The following PTPRN2 variants were observed in gnomAD, a reference collection of about 807,000 sequenced individuals.
PTPRN2 encodes the protein protein tyrosine phosphatase receptor type N2, also known as receptor-type tyrosine-protein phosphatase N2.
PTPRN2 carries 74 observed loss-of-function variants against 118.8 expected under a neutral mutation model. The ratio of observed to expected loss-of-function variants is 0.62; its 90% CI spans 0.52 to 0.76. The LOEUF (loss-of-function observed/expected upper bound fraction) is 0.76, where lower values mean the gene tolerates loss of function less well. Ranked by LOEUF, PTPRN2 falls within the 30% of genes least tolerant of loss-of-function variation. The probability of loss-of-function intolerance (pLI) is 0.00; values close to 1 mark genes in which losing one functional copy is unlikely to be tolerated. For synonymous variants in PTPRN2, 641 were observed against 608.0 expected (o/e 1.05, Z -0.80); for missense variants, 1,481 against 1,394.4 (o/e 1.06, Z -0.99).
chr7:158,572,100 G>C (rs1483904264), intron 1 of PTPRN2, among the ~76,000 whole-genome samples: 7 of 152,198 alleles, frequency 4.6e-5, no homozygotes, highest in Non-Finnish European at 1.5e-5. Flanking sequence ...TGGAAAGCAG[G>C]GAAGGTTCTG....
At chr7:157,938,470 G>T (rs1401907032) in intron 11 of PTPRN2, among the ~76,000 whole-genome samples, 1 of 152,196 alleles carries the variant, frequency 6.6e-6, no homozygotes, top group African/African-American at 2.4e-5. Context: ...AGACCTGCAG[G>T]CCCAGCCATG....
intron 14 of PTPRN2, among the ~76,000 whole-genome samples, chr7:157,655,902 G>A (rs947186984): frequency 2.6e-5 from 4 of 151,866 alleles, no homozygotes; most frequent in Non-Finnish European, 4.4e-5. Context: ...GTGAAGAGCC[G>A]AGCACCCAGC....
At chr7:157,595,462 T>TG in intron 16 of PTPRN2, 147 bp from the exon 17 acceptor site, 2 of 661,708 alleles carry the variant, frequency 3.0e-6, no homozygotes, top group Non-Finnish European at 5.1e-6. Flanking sequence ...TTAGGAAACC[T>TG]GGGGGTTAGG....
Position 157,986,926 on chromosome 7 carries a change from G to C in PTPRN2, c.1724-88189C>G, listed in dbSNP as rs1348395064. Among the ~76,000 whole-genome samples, 1 of 152,160 alleles carries C rather than the reference G, an allele frequency of 6.6e-6. No homozygotes were observed. Among genetic ancestry groups the C allele is most frequent in the Non-Finnish European group, 1.5e-5 (1 of 68,042 alleles). On this transcript the variant is annotated intron_variant, in intron 11 of 22. Coordinates refer to ENST00000389418, the MANE Select transcript of PTPRN2 (RefSeq NM_002847.5). This position sits in a 1 kb window ranked among gnomAD's most constrained non-coding sequence, Gnocchi z 4.5. ...GGGCCCAGTGACTTTGGGGTCATTT[G>C]CACGGTATCAGCTATAGCCGCAGTG...
chr7:157,946,089 A>G (rs1048237601), intron 11 of PTPRN2, among the ~76,000 whole-genome samples: 6 of 152,148 alleles, frequency 3.9e-5, no homozygotes, highest in Admixed American at 3.9e-4. Context: ...CTGGTTTCAA[A>G]CTTCTCTTTC....
At chr7:157,540,877 C>G in intron 22 of PTPRN2, 92 bp from the exon 23 acceptor site, 1 of 1,042,258 alleles carries the variant, frequency 9.6e-7, no homozygotes, top group Non-Finnish European at 1.4e-6. Flanking sequence ...AAAGCGGCGT[C>G]CCCCCTTCCC....
At chr7:158,086,438 C>A (rs1051356781) in intron 10 of PTPRN2, among the ~76,000 whole-genome samples, 6 of 152,222 alleles carry the variant, frequency 3.9e-5, no homozygotes, top group South Asian at 2.1e-4. Flanking sequence ...CATTCCCCAG[C>A]TGCCAGCGTT....
intron 3 of PTPRN2, among the ~76,000 whole-genome samples, chr7:158,281,500 T>C (rs1361178063): frequency 6.6e-6 from 1 of 152,210 alleles, no homozygotes; most frequent in Non-Finnish European, 1.5e-5. Flanking sequence ...ATAAGAGACA[T>C]TGTCATATGC....
At chr7:158,351,688 A>G (rs973684077) in intron 2 of PTPRN2, among the ~76,000 whole-genome samples, 1 of 152,114 alleles carries the variant, frequency 6.6e-6, no homozygotes, top group African/African-American at 2.4e-5. Flanking sequence ...CCTGGCATGC[A>G]GGCAGCCGGG....
At chr7:157,941,645 T>C (rs1297216035) in intron 11 of PTPRN2, among the ~76,000 whole-genome samples, 1 of 152,194 alleles carries the variant, frequency 6.6e-6, no homozygotes, top group Non-Finnish European at 1.5e-5. Flanking sequence ...CATACGTCCA[T>C]GCATGTGTAT....
intron 12 of PTPRN2, among the ~76,000 whole-genome samples, chr7:157,898,426 G>A (rs1443757606): frequency 6.6e-6 from 1 of 152,196 alleles, no homozygotes; most frequent in Non-Finnish European, 1.5e-5. Context: ...AGCCATGAAT[G>A]CTTTTTCTTG....
At position 158,258,734 on chromosome 7, in the gene PTPRN2, G is replaced by C. The variant is rs1437402901; in HGVS notation, c.278-53461C>G. On this transcript the variant is annotated intron_variant, in intron 3 of 22. Transcript: ENST00000389418. Reference sequence around the variant, plus strand: ...GTTGGCTCTGCTGGAATGGCATCCAGGGTTTTCCTTGTTGCTTCTGTATCT... The same window carrying C: ...GTTGGCTCTGCTGGAATGGCATCCACGGTTTTCCTTGTTGCTTCTGTATCT... Among the ~76,000 whole-genome samples the C allele has an allele frequency of 3.9e-5, 6 of 152,206 alleles. No individual in the cohort carries two copies. In the East Asian group the frequency reaches 1.2e-3, roughly 29 times the overall value.
intron 11 of PTPRN2, among the ~76,000 whole-genome samples, chr7:157,971,784 G>T (rs1802352787): frequency 6.6e-6 from 1 of 152,220 alleles, no homozygotes; most frequent in Non-Finnish European, 1.5e-5. Flanking sequence ...GGCGACAATA[G>T]CTACTACTTG....
chr7:157,977,953 C>T lies in PTPRN2; in HGVS notation c.1724-79216G>A, dbSNP rs1406508489. On this transcript the variant is annotated intron_variant, in intron 11 of 22. Coordinates refer to ENST00000389418, the MANE Select transcript of PTPRN2 (RefSeq NM_002847.5). This position sits in a 1 kb window ranked among gnomAD's most constrained non-coding sequence, Gnocchi z 4.6. ...AGGACTCACCGCCGCAGGCAGCAGGCTCAGGCACCTTTGGTAACTAGGCCC... is the reference window on the plus strand; with the variant it reads ...AGGACTCACCGCCGCAGGCAGCAGGTTCAGGCACCTTTGGTAACTAGGCCC... Among the ~76,000 whole-genome samples, 1 of 151,852 alleles carries T rather than the reference C, an allele frequency of 6.6e-6. No individual in the cohort carries two copies. The highest frequency in any genetic ancestry group is 1.9e-4 in the East Asian group (1 of 5,186).
At position 158,306,871 on chromosome 7, in the gene PTPRN2, T is replaced by G. The variant is rs1356190618; in HGVS notation, c.277+9948A>C. ...CTGTTTTTTGTTTTTTTTTTTTTTT[T>G]TTTTTTTTTTTTTTAGACAGAGTCT... On this transcript the variant is annotated intron_variant, in intron 3 of 22. Transcript: ENST00000389418. 4.7e-3 allele frequency among the ~76,000 whole-genome samples: 645 copies of G among 137,198 alleles called. 5 individuals are homozygous for G. Among genetic ancestry groups the G allele is most frequent in the African/African-American group, 0.012 (397 of 33,956 alleles). The allele number at this position is 137,198 out of a possible 152,430, so 90.0% of individuals were successfully genotyped here. A position where few individuals can be genotyped will look rare whatever the true frequency, so the allele number is the denominator to read the frequency against.
chr7:157,770,299 C>A (rs1331786851), intron 12 of PTPRN2, among the ~76,000 whole-genome samples: 1 of 152,182 alleles, frequency 6.6e-6, no homozygotes, highest in Non-Finnish European at 1.5e-5. Flanking sequence ...TCACAGAATG[C>A]ATGATGTCAG....
chr7:157,699,709 G>A lies in PTPRN2; in HGVS notation c.1789-16772C>T, dbSNP rs996866622. On this transcript the variant is annotated intron_variant, in intron 12 of 22. Coordinates refer to ENST00000389418, the MANE Select transcript of PTPRN2 (RefSeq NM_002847.5). ...CTCCCAAAGTGCTGGAATTACAGGC[G>A]GGAGCCACCGCACCCTGCCCAGTTG... Among the ~76,000 whole-genome samples, 23 of 152,270 alleles carry A rather than the reference G, an allele frequency of 1.5e-4. 1 individual carries two copies. The highest frequency in any genetic ancestry group is 1.3e-3 in the Admixed American group (20 of 15,296).
intron 12 of PTPRN2, among the ~76,000 whole-genome samples, chr7:157,858,084 C>CCAGCT (rs1563178957): frequency 0.067 from 7,391 of 110,280 alleles, 339 homozygotes; most frequent in African/African-American, 0.094. Flanking sequence ...AGAACCCCGT[C>CCAGCT]ACCACCCACA....
intron 12 of PTPRN2, among the ~76,000 whole-genome samples, chr7:157,741,921 T>G (rs1218108536): frequency 6.6e-6 from 1 of 152,218 alleles, no homozygotes; most frequent in East Asian, 1.9e-4. Context: ...CTTTGCATTC[T>G]CCATCAGATT....
Sources: allele counts gnomAD v4.1 joint callset (sites outside exome capture counted in the v4.1 genomes callset), GRCh38; gene constraint gnomAD v4.1.1; non-coding constraint Gnocchi (gnomAD v3.1); transcripts MANE v1.5; gene names NCBI Gene and HGNC (gene_info 2026-07-23, HGNC 2026-07-21).